The following PDE8B variants were observed in gnomAD, a reference collection of about 807,000 sequenced individuals.
PDE8B encodes the protein phosphodiesterase 8B.
Under a neutral mutation model 101.3 loss-of-function variants are expected in PDE8B, and 26 were observed. The ratio of observed to expected loss-of-function variants is 0.26; its 90% CI spans 0.19 to 0.36. The LOEUF (loss-of-function observed/expected upper bound fraction) is 0.36. Ranked by LOEUF, PDE8B falls within the 10% of genes least tolerant of loss-of-function variation. The pLI, the probability that PDE8B is intolerant of heterozygous loss-of-function variation, is 1.00. For synonymous variants in PDE8B, 424 were observed against 429.3 expected (o/e 0.99, Z 0.15); for missense variants, 810 against 1,163.1 (o/e 0.70, Z 4.42).
chr5:77,154,594 T>G, the PDE8B span, among the ~76,000 whole-genome samples: 2 of 152,184 alleles, frequency 1.3e-5, no homozygotes, highest in African/African-American at 4.8e-5. Context: ...ATACTAGGCA[T>G]GCCATCCTTG....
chr5:77,109,249 C>T, the PDE8B span, among the ~76,000 whole-genome samples: 12 of 152,202 alleles, frequency 7.9e-5, no homozygotes, highest in Non-Finnish European at 1.6e-4. Flanking sequence ...TTTATTTCTT[C>T]TGGTCCTGAA....
the PDE8B span, among the ~76,000 whole-genome samples, chr5:77,172,368 G>C: frequency 6.6e-6 from 1 of 152,214 alleles, no homozygotes; most frequent in Admixed American, 6.5e-5. Flanking sequence ...CTTGGGACAG[G>C]ATAAGTCAAA....
intron 10 of PDE8B, among the ~76,000 whole-genome samples, chr5:77,357,811 C>A (rs1410848285): frequency 6.6e-6 from 1 of 152,236 alleles, no homozygotes; most frequent in Non-Finnish European, 1.5e-5. Context: ...TGCCTTCTCT[C>A]TTTTATCCAC....
At chr5:77,406,008 C>T (rs1793353309) in intron 12 of PDE8B, among the ~76,000 whole-genome samples, 1 of 152,104 alleles carries the variant, frequency 6.6e-6, no homozygotes, top group African/African-American at 2.4e-5. Flanking sequence ...TGACATAGGC[C>T]AGGTGCGATG....
chr5:77,092,056 T>C, the PDE8B span, among the ~76,000 whole-genome samples: 1 of 152,232 alleles, frequency 6.6e-6, no homozygotes, highest in African/African-American at 2.4e-5. Context: ...AAATTGAGAA[T>C]GGCTACATAT....
At chr5:77,403,996 G>GT (rs1321636125) in intron 11 of PDE8B, among the ~76,000 whole-genome samples, 1 of 149,064 alleles carries the variant, frequency 6.7e-6, no homozygotes, top group Non-Finnish European at 1.5e-5. Context: ...TTTTTTGTTG[G>GT]TTTTTTTGAG....
At chr5:77,286,220 G>A (rs1765979475) in intron 1 of PDE8B, among the ~76,000 whole-genome samples, 1 of 152,158 alleles carries the variant, frequency 6.6e-6, no homozygotes, top group Non-Finnish European at 1.5e-5. Context: ...TGAGGTGGGT[G>A]GCAGCTCAAA....
the PDE8B span, among the ~76,000 whole-genome samples, chr5:77,116,534 G>A: frequency 3.5e-4 from 54 of 152,152 alleles, no homozygotes; most frequent in South Asian, 6.0e-3. Flanking sequence ...AAGCCACCAC[G>A]CCCAGCCTCT....
At chr5:77,324,144 A>G (rs1775610123) in intron 2 of PDE8B, among the ~76,000 whole-genome samples, 1 of 152,134 alleles carries the variant, frequency 6.6e-6, no homozygotes, top group African/African-American at 2.4e-5. Flanking sequence ...TTTAAACCAG[A>G]CGTGGGTGCA....
At chr5:77,366,971 C>T (rs1163014463) in intron 10 of PDE8B, among the ~76,000 whole-genome samples, 1 of 152,072 alleles carries the variant, frequency 6.6e-6, no homozygotes, top group Non-Finnish European at 1.5e-5. Context: ...CCTCCAGAGG[C>T]AGAAGCTGAT....
chr5:77,345,174 A>G lies in PDE8B; in HGVS notation c.876+243A>G, dbSNP rs376040397. ...TTTGACAGAAATGGGGTTTAAAAAA[A>G]TTTTATTTTTTTGAGACAGATTGTC... is the stretch of plus-strand genomic sequence containing the variant. On this transcript the variant is annotated intron_variant, in intron 7 of 21. Coordinates refer to ENST00000264917, the MANE Select transcript of PDE8B (RefSeq NM_003719.5). 1.4e-4 allele frequency among the ~76,000 whole-genome samples: 21 copies of G among 152,288 alleles called. No individual in the cohort carries two copies. The East Asian group carries it at 3.3e-3, about 24-fold the overall frequency.
chr5:77,202,640 T>TTA, the PDE8B span, among the ~76,000 whole-genome samples: 1 of 152,084 alleles, frequency 6.6e-6, no homozygotes, highest in South Asian at 2.1e-4. Context: ...TTAGTAATTT[T>TTA]TTTTTTTTTT....
chr5:77,170,930 A>T, the PDE8B span, among the ~76,000 whole-genome samples: 3 of 152,362 alleles, frequency 2.0e-5, no homozygotes, highest in South Asian at 6.2e-4. Context: ...ACAATAGTCC[A>T]TCAGGGTAAA....
the PDE8B span, among the ~76,000 whole-genome samples, chr5:77,090,353 T>C: frequency 2.0e-5 from 3 of 152,194 alleles, no homozygotes; most frequent in Non-Finnish European, 2.9e-5. Context: ...GTGGAGCTAG[T>C]GTTTTTATTC....
intron 1 of PDE8B, among the ~76,000 whole-genome samples, chr5:77,281,273 T>C (rs895656842): frequency 2.0e-5 from 3 of 152,220 alleles, no homozygotes; most frequent in Non-Finnish European, 2.9e-5. Context: ...GAGGCCTAGA[T>C]TCTGTTGTCT....
chr5:77,396,033 GGGGA>G (rs1790983097), intron 10 of PDE8B, among the ~76,000 whole-genome samples: 1 of 152,218 alleles, frequency 6.6e-6, no homozygotes, highest in Admixed American at 6.5e-5. Flanking sequence ...GTAGTGAGCT[GGGGA>G]TCGTGCATCA....
intron 6 of PDE8B, among the ~76,000 whole-genome samples, chr5:77,342,492 G>C (rs1779378598): frequency 6.8e-6 from 1 of 147,910 alleles, no homozygotes. Context: ...TTTATGAGTG[G>C]AAAAAAATAA....
At chr5:77,123,341 C>T in the PDE8B span, among the ~76,000 whole-genome samples, 1 of 152,014 alleles carries the variant, frequency 6.6e-6, no homozygotes, top group African/African-American at 2.4e-5. Context: ...CTCTCAAATA[C>T]TATAGTTGAA....
At chr5:77,256,633 T>C (rs1266955066) in intron 1 of PDE8B, among the ~76,000 whole-genome samples, 1 of 152,204 alleles carries the variant, frequency 6.6e-6, no homozygotes, top group Non-Finnish European at 1.5e-5. Context: ...ATAACTTCTA[T>C]GGTGTGTCCT....
Sources: allele counts gnomAD v4.1 joint callset (sites outside exome capture counted in the v4.1 genomes callset), GRCh38; gene constraint gnomAD v4.1.1; transcripts MANE v1.5; gene names NCBI Gene and HGNC (gene_info 2026-07-23, HGNC 2026-07-21).